Variants in TMTC2 observed in about 807,000 individuals in gnomAD.
The protein encoded by TMTC2 is transmembrane O-mannosyltransferase targeting cadherins 2.
TMTC2 carries 43 observed loss-of-function variants against 82.4 expected under a neutral mutation model. The ratio of observed to expected loss-of-function variants is 0.52; its 90% CI spans 0.41 to 0.67. The LOEUF (loss-of-function observed/expected upper bound fraction) is 0.67. TMTC2 is among the 30% of genes least tolerant of loss of function. TMTC2 has a pLI of 0.00. For synonymous variants in TMTC2, 408 were observed against 381.9 expected (o/e 1.07, Z -0.80); for missense variants, 919 against 1,012.4 (o/e 0.91, Z 1.25).
intron 1 of TMTC2, among the ~76,000 whole-genome samples, chr12:82,815,141 G>A (rs984577377): frequency 6.6e-6 from 1 of 151,124 alleles, no homozygotes; most frequent in Non-Finnish European, 1.5e-5. Context: ...TAAGCTCCTG[G>A]TTCATGCATT....
intron 3 of TMTC2, among the ~76,000 whole-genome samples, chr12:82,903,071 G>A (rs188043345): frequency 1.1e-4 from 17 of 152,042 alleles, no homozygotes; most frequent in East Asian, 3.9e-4. Context: ...AGCTCCTGCC[G>A]CAGAGCTTTT....
At chr12:82,844,541 C>A (rs552803597) in intron 1 of TMTC2, among the ~76,000 whole-genome samples, 1 of 152,290 alleles carries the variant, frequency 6.6e-6, no homozygotes, top group East Asian at 1.9e-4. Flanking sequence ...GTGGCTCAAG[C>A]CTGTAATCCC....
chr12:83,073,150 TC>T (rs1165063595), intron 11 of TMTC2, among the ~76,000 whole-genome samples: 1 of 152,152 alleles, frequency 6.6e-6, no homozygotes, highest in Non-Finnish European at 1.5e-5. Flanking sequence ...GATTTAGAGC[TC>T]CTTTTAGCAG....
chr12:82,888,734 G>C (rs938146355), intron 2 of TMTC2, among the ~76,000 whole-genome samples: 2 of 152,164 alleles, frequency 1.3e-5, no homozygotes, highest in African/African-American at 4.8e-5. Flanking sequence ...TCCTACAAAT[G>C]TCAGACTCTG....
chr12:82,948,333 C>T (rs1318610409), intron 4 of TMTC2, among the ~76,000 whole-genome samples: 1 of 151,318 alleles, frequency 6.6e-6, no homozygotes, highest in Non-Finnish European at 1.5e-5. Flanking sequence ...CCACTGCACT[C>T]CAGCCTGGAC....
At chr12:83,066,823 T>C (rs1882933599) in intron 11 of TMTC2, among the ~76,000 whole-genome samples, 1 of 151,918 alleles carries the variant, frequency 6.6e-6, no homozygotes, top group African/African-American at 2.4e-5. Flanking sequence ...ATAAAAAAAT[T>C]GTAATCAGAG....
At chr12:83,002,750 T>A (rs1879982733) in intron 8 of TMTC2, among the ~76,000 whole-genome samples, 1 of 151,464 alleles carries the variant, frequency 6.6e-6, no homozygotes, top group Non-Finnish European at 1.5e-5. Context: ...TTTATTGCAC[T>A]GTGGTCTGAG....
chr12:82,779,134 A>G (rs926970249), intron 1 of TMTC2, among the ~76,000 whole-genome samples: 3 of 151,910 alleles, frequency 2.0e-5, no homozygotes, highest in Admixed American at 2.0e-4. Flanking sequence ...TTCCAGACAG[A>G]GCATAATATA....
chr12:82,713,423 G>A (rs1344786332), intron 1 of TMTC2, among the ~76,000 whole-genome samples: 1 of 152,146 alleles, frequency 6.6e-6, no homozygotes, highest in Middle Eastern at 3.2e-3. Flanking sequence ...TGATAAAGAT[G>A]TACCAGAGAC....
At chr12:82,743,868 T>G (rs1481764387) in intron 1 of TMTC2, among the ~76,000 whole-genome samples, 2 of 152,182 alleles carry the variant, frequency 1.3e-5, no homozygotes, top group African/African-American at 2.4e-5. Context: ...ATTCCAGGGA[T>G]GTATTATATT....
intron 8 of TMTC2, among the ~76,000 whole-genome samples, chr12:83,016,549 A>C (rs1197179830): frequency 6.6e-6 from 1 of 152,150 alleles, no homozygotes; most frequent in Non-Finnish European, 1.5e-5. Flanking sequence ...CATGTGTAAG[A>C]GTAGGAATTA....
chr12:82,997,992 T>G (rs1879741661), intron 8 of TMTC2, among the ~76,000 whole-genome samples: 1 of 152,184 alleles, frequency 6.6e-6, no homozygotes, highest in Non-Finnish European at 1.5e-5. Context: ...TTGGAGAATT[T>G]TATAAGATAC....
chr12:82,935,691 A>G (rs1876278753), intron 4 of TMTC2, among the ~76,000 whole-genome samples: 1 of 152,188 alleles, frequency 6.6e-6, no homozygotes, highest in Non-Finnish European at 1.5e-5. Context: ...AGCATTAAAT[A>G]TTGTATTAGG....
At chr12:83,107,715 T>C (rs993471679) in intron 11 of TMTC2, among the ~76,000 whole-genome samples, 5 of 152,136 alleles carry the variant, frequency 3.3e-5, no homozygotes, top group African/African-American at 1.2e-4. Context: ...CCAAAACCAA[T>C]CATTGTTGAT....
chr12:82,947,890 C>T (rs1189350262), intron 4 of TMTC2, among the ~76,000 whole-genome samples: 1 of 152,114 alleles, frequency 6.6e-6, no homozygotes, highest in African/African-American at 2.4e-5. Flanking sequence ...CTGTCAACGT[C>T]TCTCAGCCCT....
intron 3 of TMTC2, among the ~76,000 whole-genome samples, chr12:82,910,125 A>C (rs191152880): frequency 6.6e-6 from 1 of 152,328 alleles, no homozygotes; most frequent in East Asian, 1.9e-4. Flanking sequence ...TCTGGTGATC[A>C]TGGATTTTGA....
chr12:82,909,118 T>C (rs969425141), intron 3 of TMTC2, among the ~76,000 whole-genome samples: 2 of 152,206 alleles, frequency 1.3e-5, no homozygotes. Flanking sequence ...ACCCATCTTT[T>C]CATTCTCTAA....
chr12:82,748,957 T>G (rs116618019), intron 1 of TMTC2, among the ~76,000 whole-genome samples: 2,745 of 152,336 alleles, frequency 0.018, 82 homozygotes, highest in African/African-American at 0.063. Context: ...TGGGTAAGCT[T>G]CTTATATATA....
In TMTC2 at chr12:82,896,996, A is replaced by T. The variant is rs139436403; in HGVS notation, c.1483+350A>T. 8.5e-3 allele frequency among the ~76,000 whole-genome samples: 1,288 copies of T among 152,306 alleles called. 17 individuals are homozygous for T. The highest frequency in any genetic ancestry group is 0.029 in the African/African-American group (1,193 of 41,572). On this transcript the variant is annotated intron_variant, in intron 3 of 11. Coordinates refer to ENST00000321196, the MANE Select transcript of TMTC2 (RefSeq NM_152588.3). Reference sequence around the variant, plus strand: ...GATAGGTACAGCTCTTTTATCATATAATAAAAGTTAGGCTATCCCACTGAA... The same window carrying T: ...GATAGGTACAGCTCTTTTATCATATTATAAAAGTTAGGCTATCCCACTGAA...
Sources: allele counts gnomAD v4.1 joint callset (sites outside exome capture counted in the v4.1 genomes callset), GRCh38; gene constraint gnomAD v4.1.1; transcripts MANE v1.5; gene names NCBI Gene and HGNC (gene_info 2026-07-23, HGNC 2026-07-21).